The following MAGI1 variants were observed in gnomAD, a reference collection of about 807,000 sequenced individuals.
MAGI1 encodes membrane-associated guanylate kinase, WW and PDZ domain-containing protein 1.
Under a neutral mutation model 139.9 loss-of-function variants are expected in MAGI1, and 58 were observed. The ratio of observed to expected loss-of-function variants is 0.41; its 90% CI spans 0.34 to 0.52. The LOEUF is 0.52. MAGI1 is among the 20% of genes least tolerant of loss of function. The pLI is 0.12. For missense variants in MAGI1, 1,874 were observed against 1,901.6 expected (o/e 0.99, Z 0.27); for synonymous variants, 812 against 737.9 (o/e 1.10, Z -1.63).
At chr3:65,916,774 T>TACACACACTA (rs986141575) in intron 1 of MAGI1, among the ~76,000 whole-genome samples, 3 of 151,728 alleles carry the variant, frequency 2.0e-5, no homozygotes, top group African/African-American at 7.3e-5. Context: ...ACATGTATCA[T>TACACACACTA]ACACACACTA....
At chr3:65,982,116 C>T (rs1170480785) in intron 1 of MAGI1, among the ~76,000 whole-genome samples, 6 of 152,174 alleles carry the variant, frequency 3.9e-5, no homozygotes, top group Admixed American at 1.3e-4. Flanking sequence ...AAGATTTTTC[C>T]TGCAGTGCCA....
intron 1 of MAGI1, among the ~76,000 whole-genome samples, chr3:65,836,796 GAGAA>G (rs1404633921): frequency 6.6e-6 from 1 of 152,120 alleles, no homozygotes; most frequent in African/African-American, 2.4e-5. Flanking sequence ...CAGAGAAAAA[GAGAA>G]AGAGAGAGAG....
chr3:65,541,025 A>G (rs2079187695), intron 2 of MAGI1, among the ~76,000 whole-genome samples: 2 of 152,248 alleles, frequency 1.3e-5, no homozygotes. Context: ...AAAAAGTTTG[A>G]AAAGATATAT....
intron 3 of MAGI1, among the ~76,000 whole-genome samples, chr3:65,485,406 G>A (rs865816442): frequency 2.0e-5 from 3 of 152,086 alleles, no homozygotes; most frequent in Non-Finnish European, 1.5e-5. Flanking sequence ...AGAGTTTTAC[G>A]ACCCTGAGTG....
intron 2 of MAGI1, among the ~76,000 whole-genome samples, chr3:65,607,108 T>G (rs908838093): frequency 6.6e-6 from 1 of 152,018 alleles, no homozygotes; most frequent in African/African-American, 2.4e-5. Context: ...TATATGTACA[T>G]GTTAAATAAA....
intron 1 of MAGI1, among the ~76,000 whole-genome samples, chr3:65,925,615 A>G (rs969105062): frequency 2.0e-5 from 3 of 152,226 alleles, no homozygotes; most frequent in Non-Finnish European, 4.4e-5. Context: ...GATTGATAAA[A>G]ATAAAGAACC....
At chr3:65,589,663 T>C (rs560615098) in intron 2 of MAGI1, among the ~76,000 whole-genome samples, 186 of 151,594 alleles carry the variant, frequency 1.2e-3, no homozygotes, top group African/African-American at 4.4e-3. Flanking sequence ...GTAGTCTCTG[T>C]CACAACTACT....
At chr3:65,866,074 A>G (rs996615289) in intron 1 of MAGI1, among the ~76,000 whole-genome samples, 1 of 152,156 alleles carries the variant, frequency 6.6e-6, no homozygotes, top group African/African-American at 2.4e-5. Context: ...TAAACATATA[A>G]TTTACAATTA....
chr3:65,960,736 G>A (rs1287396937), intron 1 of MAGI1, among the ~76,000 whole-genome samples: 1 of 152,170 alleles, frequency 6.6e-6, no homozygotes. Context: ...GCAGGGAGGT[G>A]GGCTCTTGTT....
At chr3:65,700,633 A>C (rs746633346) in intron 1 of MAGI1, among the ~76,000 whole-genome samples, 2 of 152,134 alleles carry the variant, frequency 1.3e-5, no homozygotes, top group Non-Finnish European at 2.9e-5. Flanking sequence ...CTGAACAACC[A>C]CATCTGATTT....
intron 6 of MAGI1, 48 bp downstream of exon 6, chr3:65,453,210 G>C (rs746190992): frequency 6.5e-7 from 1 of 1,542,544 alleles, no homozygotes; most frequent in South Asian, 1.1e-5. Flanking sequence ...TTGCACATGT[G>C]AACAGTGCCC....
At chr3:65,886,323 A>G (rs750059149) in intron 1 of MAGI1, among the ~76,000 whole-genome samples, 9 of 152,208 alleles carry the variant, frequency 5.9e-5, no homozygotes, top group Non-Finnish European at 1.2e-4. Flanking sequence ...TCTAAATAGC[A>G]ATTTTTTTTC....
intron 2 of MAGI1, among the ~76,000 whole-genome samples, chr3:65,574,939 T>C (rs2081115340): frequency 6.6e-6 from 1 of 152,076 alleles, no homozygotes; most frequent in Non-Finnish European, 1.5e-5. Flanking sequence ...GAATGGATCA[T>C]AGACATAAAA....
chr3:65,627,941 A>G (rs2084073988), intron 1 of MAGI1, among the ~76,000 whole-genome samples: 2 of 152,132 alleles, frequency 1.3e-5, no homozygotes, highest in African/African-American at 4.8e-5. Flanking sequence ...CTTATTTTAA[A>G]TGTTGTATAA....
At chr3:65,997,184 G>A (rs1261255173) in intron 1 of MAGI1, among the ~76,000 whole-genome samples, 1 of 152,040 alleles carries the variant, frequency 6.6e-6, no homozygotes, top group East Asian at 1.9e-4. Flanking sequence ...AAGTGGTCTG[G>A]CAGCACCTCC....
intron 2 of MAGI1, among the ~76,000 whole-genome samples, chr3:65,520,148 G>C (rs1335879938): frequency 1.3e-5 from 2 of 152,184 alleles, no homozygotes; most frequent in African/African-American, 2.4e-5. Flanking sequence ...TCCTGAAACA[G>C]ACACAAGCCA....
At chr3:65,528,273 C>G (rs2078481938) in intron 2 of MAGI1, among the ~76,000 whole-genome samples, 1 of 152,174 alleles carries the variant, frequency 6.6e-6, no homozygotes, top group South Asian at 2.1e-4. Flanking sequence ...CAAAATTCAT[C>G]CAATATTGCA....
chr3:65,486,565 C>T (rs1034612736), intron 3 of MAGI1, among the ~76,000 whole-genome samples: 25 of 152,318 alleles, frequency 1.6e-4, no homozygotes, highest in African/African-American at 5.5e-4. Context: ...CTCAGTGCCA[C>T]AATTAGGAAG....
At chr3:65,899,785 G>C (rs548441175) in intron 1 of MAGI1, among the ~76,000 whole-genome samples, 12 of 152,132 alleles carry the variant, frequency 7.9e-5, no homozygotes, top group Non-Finnish European at 7.3e-5. Flanking sequence ...TTCTGAATGG[G>C]ACTTTCAAAG....
Sources: allele counts gnomAD v4.1 joint callset (sites outside exome capture counted in the v4.1 genomes callset), GRCh38; gene constraint gnomAD v4.1.1; transcripts MANE v1.5; gene names NCBI Gene and HGNC (gene_info 2026-07-23, HGNC 2026-07-21).